LRP1B: variants seen among roughly 807,000 people sequenced by gnomAD.
The protein encoded by LRP1B is low-density lipoprotein receptor-related protein 1B.
In LRP1B, 217 loss-of-function variants were observed where a neutral mutation model predicts 556.6. The ratio of observed to expected loss-of-function variants is 0.39; its 90% CI spans 0.35 to 0.44. The LOEUF is 0.44. Among genes scored for constraint, LRP1B ranks in the 20% least tolerant of loss-of-function variants. LRP1B has a pLI of 1.00. For missense variants in LRP1B, 5,053 were observed against 5,620.8 expected (o/e 0.90, Z 3.23); for synonymous variants, 2,047 against 1,865.8 (o/e 1.10, Z -2.50).
chr2:141,820,173 T>C (rs1696707413), intron 1 of LRP1B, among the ~76,000 whole-genome samples: 1 of 152,202 alleles, frequency 6.6e-6, no homozygotes, highest in Non-Finnish European at 1.5e-5. Context: ...TCTTAAAGAC[T>C]GCTGAAAATC....
At chr2:140,654,538 A>T (rs754539851) in intron 41 of LRP1B, among the ~76,000 whole-genome samples, 13 of 152,186 alleles carry the variant, frequency 8.5e-5, no homozygotes, top group Non-Finnish European at 1.6e-4. Context: ...AAACCATTTA[A>T]TTTTTCTGTA....
intron 43 of LRP1B, among the ~76,000 whole-genome samples, chr2:140,545,641 A>T (rs567940186): frequency 6.6e-6 from 1 of 152,152 alleles, no homozygotes; most frequent in South Asian, 2.1e-4. Context: ...GCATTGGTCT[A>T]TACGTCAGTT....
chr2:140,411,746 TC>T (rs1684977732), intron 66 of LRP1B, among the ~76,000 whole-genome samples: 2 of 151,750 alleles, frequency 1.3e-5, no homozygotes, highest in East Asian at 3.9e-4. Context: ...AATAATAATA[TC>T]AATACCACCT....
intron 2 of LRP1B, among the ~76,000 whole-genome samples, chr2:141,728,365 G>A (rs1368866977): frequency 5.3e-5 from 8 of 152,090 alleles, no homozygotes; most frequent in Non-Finnish European, 1.0e-4. Context: ...GCATGATCTC[G>A]CCCTCCAACT....
chr2:140,938,811 G>A (rs911166286), intron 20 of LRP1B, among the ~76,000 whole-genome samples: 6 of 94,068 alleles, frequency 6.4e-5, no homozygotes, highest in African/African-American at 1.7e-4. Flanking sequence ...GTCTTCTCAC[G>A]GGCATTTATT....
chr2:140,270,923 A>T (rs1682431077), intron 85 of LRP1B, among the ~76,000 whole-genome samples: 1 of 151,976 alleles, frequency 6.6e-6, no homozygotes, highest in Admixed American at 6.6e-5. Flanking sequence ...AACATAAAAA[A>T]ATCATGGAGT....
At chr2:140,979,965 C>T (rs758128654) in intron 18 of LRP1B, among the ~76,000 whole-genome samples, 12 of 151,920 alleles carry the variant, frequency 7.9e-5, no homozygotes, top group East Asian at 1.9e-4. Flanking sequence ...AACCCTTCTT[C>T]GCCTCACCTC....
At chr2:141,069,082 A>G (rs940758254) in intron 7 of LRP1B, among the ~76,000 whole-genome samples, 1 of 152,074 alleles carries the variant, frequency 6.6e-6, no homozygotes, top group Non-Finnish European at 1.5e-5. Context: ...AATTCAATAT[A>G]TTACTCAAAC....
chr2:140,291,194 C>T (rs1175478013), intron 84 of LRP1B, among the ~76,000 whole-genome samples: 3 of 149,682 alleles, frequency 2.0e-5, no homozygotes, highest in Non-Finnish European at 4.5e-5. Context: ...ATATGCTGTT[C>T]CCTCTTTGCA....
At chr2:141,784,448 A>C (rs1321352544) in intron 2 of LRP1B, among the ~76,000 whole-genome samples, 1 of 151,990 alleles carries the variant, frequency 6.6e-6, no homozygotes, top group Admixed American at 6.6e-5. Context: ...GCTAGTTATA[A>C]ATTATTTAAC....
At chr2:141,727,534 AT>A (rs1693084868) in intron 2 of LRP1B, among the ~76,000 whole-genome samples, 1 of 152,130 alleles carries the variant, frequency 6.6e-6, no homozygotes, top group Admixed American at 6.6e-5. Context: ...TTGAATTTGG[AT>A]TTCAATCCTG....
chr2:141,309,494 C>G (rs1413782339), intron 3 of LRP1B, among the ~76,000 whole-genome samples: 1 of 152,090 alleles, frequency 6.6e-6, no homozygotes, highest in Non-Finnish European at 1.5e-5. Flanking sequence ...AGATATTAAG[C>G]CATGAGGATT....
chr2:140,510,573 G>A (rs937507613), intron 51 of LRP1B, among the ~76,000 whole-genome samples: 1 of 152,122 alleles, frequency 6.6e-6, no homozygotes, highest in Non-Finnish European at 1.5e-5. Context: ...CAAGTTGCAC[G>A]CAATTTTGCA....
chr2:140,352,914 A>T (rs763121160), intron 76 of LRP1B, 39 bp downstream of exon 76: 2 of 1,570,594 alleles, frequency 1.3e-6, no homozygotes, highest in Non-Finnish European at 1.7e-6. Flanking sequence ...GTTTACAACA[A>T]AATTGTAATA....
chr2:141,633,675 G>A (rs1688992707), intron 2 of LRP1B, among the ~76,000 whole-genome samples: 1 of 151,674 alleles, frequency 6.6e-6, no homozygotes, highest in African/African-American at 2.4e-5. Context: ...AAGTACATTC[G>A]CAGTGTTGTG....
intron 7 of LRP1B, among the ~76,000 whole-genome samples, chr2:141,137,967 A>G (rs1396384034): frequency 6.6e-6 from 1 of 151,858 alleles, no homozygotes. Context: ...CGACTCCAAA[A>G]TCAGACAAAA....
At chr2:141,698,590 C>A (rs1408363594) in intron 2 of LRP1B, among the ~76,000 whole-genome samples, 2 of 151,536 alleles carry the variant, frequency 1.3e-5, no homozygotes, top group African/African-American at 4.8e-5. Flanking sequence ...ATCCACCTAT[C>A]TTCAAGCTAT....
chr2:142,112,439 T>C (rs6728101), intron 1 of LRP1B, among the ~76,000 whole-genome samples: 2 of 151,992 alleles, frequency 1.3e-5, no homozygotes, highest in African/African-American at 4.8e-5. Context: ...AAAAATGTTT[T>C]AAAAAGCCAT....
chr2:140,400,014 GAAC>G (rs765255743), intron 66 of LRP1B, among the ~76,000 whole-genome samples: 37 of 152,272 alleles, frequency 2.4e-4, no homozygotes, highest in Non-Finnish European at 4.4e-4. Context: ...TAGAGCAGAA[GAAC>G]AACAACATCT....
Sources: gnomAD v4.1 joint callset for allele counts (sites outside exome capture counted in the v4.1 genomes callset) on GRCh38, gnomAD v4.1.1 for gene constraint, MANE v1.5 for transcripts, NCBI Gene and HGNC (gene_info 2026-07-23, HGNC 2026-07-21) for gene names.